Variants in SLC41A2 observed in about 807,000 individuals in gnomAD.
The protein encoded by SLC41A2 is solute carrier family 41 member 2.
Under a neutral mutation model 58.3 loss-of-function variants are expected in SLC41A2, and 32 were observed. The ratio of observed to expected loss-of-function variants is 0.55; its 90% CI spans 0.41 to 0.74. The LOEUF is 0.74. SLC41A2 is among the 30% of genes least tolerant of loss of function. SLC41A2 has a pLI of 0.00. For missense variants in SLC41A2, 514 were observed against 680.6 expected, an observed-to-expected ratio of 0.76 and a Z score of 2.72; for synonymous variants, 190 against 235.0, an observed-to-expected ratio of 0.81 and a Z score of 1.75.
chr12:104,946,916 A>T (rs1407212101), intron 1 of SLC41A2, among the ~76,000 whole-genome samples: 2 of 152,174 alleles, frequency 1.3e-5, no homozygotes, highest in African/African-American at 4.8e-5. Context: ...TAACTGTGGG[A>T]CCTATGCCTC....
At chr12:104,879,467 T>G (rs1211232861) in intron 6 of SLC41A2, among the ~76,000 whole-genome samples, 4 of 152,212 alleles carry the variant, frequency 2.6e-5, no homozygotes, top group Non-Finnish European at 5.9e-5. Flanking sequence ...TGAATTAATT[T>G]TTGTATAAGG....
At chr12:104,863,472 A>G (rs1302427540) in intron 7 of SLC41A2, among the ~76,000 whole-genome samples, 1 of 152,146 alleles carries the variant, frequency 6.6e-6, no homozygotes, top group African/African-American at 2.4e-5. Flanking sequence ...AGTACCATAA[A>G]GTTCATAATA....
chr12:104,821,002 A>G (rs1470823762), intron 10 of SLC41A2, among the ~76,000 whole-genome samples: 1 of 152,248 alleles, frequency 6.6e-6, no homozygotes, highest in East Asian at 1.9e-4. Flanking sequence ...ATGCGAAAAG[A>G]CAAAAAGTCG....
intron 1 of SLC41A2, among the ~76,000 whole-genome samples, chr12:104,947,480 G>A (rs555033297): frequency 1.2e-4 from 18 of 151,852 alleles, no homozygotes; most frequent in African/African-American, 4.3e-4. Context: ...GATTCCAGGC[G>A]TGAGCCACCA....
chr12:104,878,602 G>A (rs2044186100), intron 6 of SLC41A2, among the ~76,000 whole-genome samples: 2 of 151,980 alleles, frequency 1.3e-5, no homozygotes, highest in South Asian at 4.1e-4. Flanking sequence ...TCAGAATGAT[G>A]GTTTCCAGCT....
intron 5 of SLC41A2, 27 bp from the exon 6 acceptor site, chr12:104,886,466 T>C (rs372017109): frequency 1.2e-6 from 2 of 1,606,050 alleles, no homozygotes; most frequent in South Asian, 1.1e-5. Context: ...TCATTACTTT[T>C]TAGGCTATGA....
intron 1 of SLC41A2, chr12:104,951,498 G>A (rs930495450): frequency 6.6e-6 from 1 of 152,012 alleles, no homozygotes. Context: ...TACCTTTTAT[G>A]AACTGTTCGT....
At chr12:104,879,136 T>C (rs1378535601) in intron 6 of SLC41A2, among the ~76,000 whole-genome samples, 1 of 152,254 alleles carries the variant, frequency 6.6e-6, no homozygotes, top group Non-Finnish European at 1.5e-5. Context: ...GTTCGTATCC[T>C]TCACCCACTT....
intron 7 of SLC41A2, among the ~76,000 whole-genome samples, chr12:104,863,406 G>C (rs1007651528): frequency 2.6e-5 from 4 of 152,014 alleles, no homozygotes; most frequent in Non-Finnish European, 4.4e-5. Context: ...CTGTGCTTCA[G>C]CTGGGGAAAC....
At position 104,928,184 on chromosome 12, in the gene SLC41A2, T is replaced by C. The variant is rs2046919446; in HGVS notation, c.344A>G (p.Tyr115Cys). The change falls in exon 2 of 11, where the codon TAT becomes TGT. Residue 115 changes from tyrosine (Y) to cysteine (C), a missense_variant. This residue lies in a region of SLC41A2 where 336 missense variants were observed against 430.0 expected (regional missense o/e 0.78). Transcript: ENST00000258538. ...CSQKYDDYAN[Y>C]NYCDGRETSE... ...AGTCTCCCTTCCATCACAGTAATTA[T>C]AATTGGCATAGTCATCATACTTTTG... 1 of 1,614,198 alleles carries C rather than the reference T, an allele frequency of 6.2e-7. No homozygotes were observed. The highest frequency in any genetic ancestry group is 8.5e-7 in the Non-Finnish European group (1 of 1,180,026).
chr12:104,826,071 G>A (rs138393902), intron 10 of SLC41A2, among the ~76,000 whole-genome samples: 49 of 152,244 alleles, frequency 3.2e-4, no homozygotes, highest in African/African-American at 6.7e-4. Context: ...CTGAGTTTTC[G>A]CTGAAAGAGG....
rs530782808 is a variant in SLC41A2, at chr12:104,832,531, C to T, written c.1536+11941G>A. On this transcript the variant is annotated intron_variant, in intron 10 of 10. Coordinates refer to ENST00000258538, the MANE Select transcript of SLC41A2 (RefSeq NM_001352171.3). ...ATTCAAAATTGTCCATGAAGATTTA[C>T]CTCTCACTTTGGCTGATACAGTAAA... Among the ~76,000 whole-genome samples, 4 of 152,228 alleles carry T rather than the reference C, an allele frequency of 2.6e-5. No individual in the cohort carries two copies. The South Asian group carries it at 8.3e-4, about 32-fold the overall frequency.
At chr12:104,953,338 G>T (rs929548439) in intron 1 of SLC41A2, among the ~76,000 whole-genome samples, 1 of 152,134 alleles carries the variant, frequency 6.6e-6, no homozygotes, top group African/African-American at 2.4e-5. Context: ...TGAGAGGATG[G>T]CTGTTTACTT....
At chr12:104,936,488 CAT>C (rs1296940160) in intron 1 of SLC41A2, among the ~76,000 whole-genome samples, 7 of 152,288 alleles carry the variant, frequency 4.6e-5, no homozygotes, top group African/African-American at 1.7e-4. Flanking sequence ...TAGTTGGACT[CAT>C]GTGGCTGGGG....
At chr12:104,915,949 T>C (rs1341548459) in intron 2 of SLC41A2, among the ~76,000 whole-genome samples, 1 of 152,222 alleles carries the variant, frequency 6.6e-6, no homozygotes, top group African/African-American at 2.4e-5. Flanking sequence ...GTCCCATCAA[T>C]ACCTAACTTA....
chr12:104,844,608 T>C lies in SLC41A2; in HGVS notation c.1400A>G (p.Lys467Arg). 6.6e-7 allele frequency: 1 copy of C among 1,526,312 alleles called. No homozygotes were observed. The highest frequency in any genetic ancestry group is 8.8e-7 in the Non-Finnish European group (1 of 1,139,118). The allele number at this position is 1,526,312 out of a possible 1,614,324, so 94.5% of individuals were successfully genotyped here. Reference sequence around the variant, plus strand: ...TAAAAGCAGTAGAACTTGAGCAGACTTATTATTTACTCCTGTAATATAAAA... The same window carrying C: ...TAAAAGCAGTAGAACTTGAGCAGACCTATTATTTACTCCTGTAATATAAAA... ...RTFFGPGVNN[K>R]SAQVLLLLVI... is the part of the protein sequence containing the mutation. The change falls in exon 10 of 11, where the codon AAG (lysine) becomes AGG (arginine). Residue 467 changes from lysine (K) to arginine (R), a missense_variant. By Grantham distance (26) the Lys-to-Arg change is conservative. Coordinates refer to ENST00000258538, the MANE Select transcript of SLC41A2 (RefSeq NM_001352171.3).
At chr12:104,943,593 G>A (rs539380289) in intron 1 of SLC41A2, among the ~76,000 whole-genome samples, 1 of 152,144 alleles carries the variant, frequency 6.6e-6, no homozygotes, top group Non-Finnish European at 1.5e-5. Flanking sequence ...GACATCGAAG[G>A]CACCTCTCCT....
At chr12:104,817,476 T>G (rs532319229) in intron 10 of SLC41A2, among the ~76,000 whole-genome samples, 1 of 152,306 alleles carries the variant, frequency 6.6e-6, no homozygotes, top group African/African-American at 2.4e-5. Context: ...TTTTACTTTT[T>G]AAACACTTTT....
At chr12:104,876,154 TTC>T (rs2044030623) in intron 6 of SLC41A2, among the ~76,000 whole-genome samples, 1 of 152,156 alleles carries the variant, frequency 6.6e-6, no homozygotes, top group Non-Finnish European at 1.5e-5. Context: ...AATTTCAGTC[TTC>T]TCTTTTTTTT....
Sources: gnomAD v4.1 joint callset for allele counts (sites outside exome capture counted in the v4.1 genomes callset) on GRCh38, gnomAD v4.1.1 for gene constraint, gnomAD v4.1.1 regional missense constraint, MANE v1.5 for transcripts, NCBI Gene and HGNC (gene_info 2026-07-23, HGNC 2026-07-21) for gene names.